Variants in MSI1 observed in about 807,000 individuals in gnomAD.
MSI1 encodes musashi RNA binding protein 1.
Under a neutral mutation model 54.4 loss-of-function variants are expected in MSI1, and 15 were observed. The ratio of observed to expected loss-of-function variants is 0.28; its 90% confidence interval spans 0.18 to 0.42. The LOEUF (loss-of-function observed/expected upper bound fraction) is 0.42. Among genes scored for constraint, MSI1 ranks in the 20% least tolerant of loss-of-function variants. The probability of loss-of-function intolerance (pLI) is 1.00; values close to 1 mark genes in which losing one functional copy is unlikely to be tolerated. For synonymous variants in MSI1, 200 were observed against 196.5 expected, an observed-to-expected ratio of 1.02 and a Z score of -0.15; for missense variants, 304 against 506.0, an observed-to-expected ratio of 0.60 and a Z score of 3.83.
rs1406105787 is a variant in MSI1, at chr12:120,368,345, G to A, written c.101-72C>T. The A allele has an allele frequency of 6.2e-6, 8 of 1,287,670 alleles. No homozygotes were observed. The African/African-American group carries it at 8.8e-5, about 14-fold the overall frequency. The allele number at this position is 1,287,670 out of a possible 1,614,324, so 79.8% of individuals were successfully genotyped here. A position where few individuals can be genotyped will look rare whatever the true frequency, so the allele number is the denominator to read the frequency against. ...TCCCCCCCCCCCGTCCTTTGCCCCC[G>A]GTGACCCCGGAGCGGCCCGGCCGCC... On this transcript the variant is annotated intron_variant, in intron 2 of 14. Coordinates refer to ENST00000257552, the MANE Select transcript of MSI1 (RefSeq NM_002442.4). This position sits in a 1 kb window ranked among gnomAD's most constrained non-coding sequence, Gnocchi z 6.6.
chr12:120,341,039 C>G (rs1035614181), downstream of MSI1, among the ~76,000 whole-genome samples: 2 of 152,024 alleles, frequency 1.3e-5, no homozygotes, highest in Non-Finnish European at 2.9e-5. Flanking sequence ...GCACCCACCA[C>G]CACACTCGGC....
At chr12:120,353,718 C>G (rs1874838174) in intron 9 of MSI1, among the ~76,000 whole-genome samples, 1 of 152,232 alleles carries the variant, frequency 6.6e-6, no homozygotes, top group South Asian at 2.1e-4. Flanking sequence ...CTGCTCCTCC[C>G]TCCCTCTGCT....
In MSI1 at chr12:120,351,991, A is replaced by G. The variant is rs576196370; in HGVS notation, c.734-591T>C. Among the ~76,000 whole-genome samples the G allele has an allele frequency of 2.4e-4, 36 of 147,868 alleles. 1 individual carries two copies. The highest frequency in any genetic ancestry group is 1.1e-3 in the South Asian group (5 of 4,598). On this transcript the variant is annotated intron_variant, in intron 10 of 14. Transcript: ENST00000257552. ...CCAAAGTGCTGGGATTACAGGCATG[A>G]ACCACCGCGCCTGGCCCTTTTTATT...
intron 10 of MSI1, 79 bp from the exon 11 acceptor site, chr12:120,351,479 A>AGTGTCCCTGTGGGTG: frequency 7.6e-7 from 1 of 1,308,016 alleles, no homozygotes; most frequent in Non-Finnish European, 1.1e-6. Flanking sequence ...AAATGCACCC[A>AGTGTCCCTGTGGGTG]CAGGGACACT....
At chr12:120,341,047 G>A (rs1437119660), downstream of MSI1, among the ~76,000 whole-genome samples, 4 of 151,798 alleles carry the variant, frequency 2.6e-5, no homozygotes, top group Admixed American at 6.6e-5. Context: ...CACCACACTC[G>A]GCTAATTTTT....
In MSI1 at chr12:120,363,108, C is replaced by A. The variant is rs768605844; in HGVS notation, c.337G>T (p.Val113Leu). The A allele has an allele frequency of 6.2e-7, 1 of 1,614,106 alleles. No individual in the cohort carries two copies. ...GTGGTGTTCACCGACAGCCCCCCCA[C>A]AAAGATCTTCTTCGTTCGAGTCACC... ...KMVTRTKKIF[V>L]GGLSVNTTVE... Residue 113 changes from valine (V) to leucine (L), a missense_variant, in exon 6 of 15, where the codon GTG becomes TTG. Coordinates refer to ENST00000257552, the MANE Select transcript of MSI1 (RefSeq NM_002442.4).
chr12:120,357,234 T>A (rs1019103698), intron 8 of MSI1, among the ~76,000 whole-genome samples: 1 of 152,156 alleles, frequency 6.6e-6, no homozygotes, highest in South Asian at 2.1e-4. Context: ...ATACTACCAA[T>A]ACTATGATGG....
At chr12:120,356,139 TC>T (rs1169656373) in intron 9 of MSI1, among the ~76,000 whole-genome samples, 1 of 152,116 alleles carries the variant, frequency 6.6e-6, no homozygotes, top group African/African-American at 2.4e-5. Flanking sequence ...TCCCACAGCC[TC>T]CAGTCACTCT....
downstream of MSI1, among the ~76,000 whole-genome samples, chr12:120,340,321 C>T (rs1873624961): frequency 6.6e-6 from 1 of 152,062 alleles, no homozygotes; most frequent in Admixed American, 6.6e-5. Flanking sequence ...TGAGCTCAGG[C>T]GATCCGCCCG....
In MSI1 at chr12:120,368,732, G is replaced by C. The variant is rs1876192727; in HGVS notation, c.100+101C>G. On this transcript the variant is annotated intron_variant, in intron 2 of 14. Transcript: ENST00000257552. The surrounding 1 kb of genome is among the most constrained non-coding windows in gnomAD (Gnocchi z 6.6). ...GCGAAAGAGGGCGCGAGGGCGCCCG[G>C]GGTCAGCAGGGCGCAGGGCCGGGCT... is the stretch of plus-strand genomic sequence containing the variant. 9.0e-7 allele frequency: 1 copy of C among 1,111,116 alleles called. No homozygotes were observed. Among genetic ancestry groups the C allele is most frequent in the South Asian group, 4.1e-5 (1 of 24,184 alleles). 68.8% of individuals were successfully genotyped at this position (1,111,116 alleles called of 1,614,324 possible).
chr12:120,344,516 C>T (rs551409490), intron 14 of MSI1, among the ~76,000 whole-genome samples: 2 of 150,130 alleles, frequency 1.3e-5, no homozygotes, highest in African/African-American at 4.9e-5. Flanking sequence ...CCAACCTGGG[C>T]CACATAATGA....
At chr12:120,355,177 G>A (rs546499599) in intron 9 of MSI1, among the ~76,000 whole-genome samples, 3 of 151,682 alleles carry the variant, frequency 2.0e-5, no homozygotes, top group Non-Finnish European at 2.9e-5. Flanking sequence ...AGGCTGAGGC[G>A]GGCAGATCAC....
At chr12:120,357,985 C>CCT in intron 7 of MSI1, 87 bp from the exon 8 acceptor site, 1 of 1,109,314 alleles carries the variant, frequency 9.0e-7, no homozygotes, top group Non-Finnish European at 1.4e-6. Flanking sequence ...TATCCCCGCT[C>CCT]CTCTCTCTCT....
chr12:120,341,458 TA>T lies in MSI1; in HGVS notation c.*1668del, dbSNP rs539881222. On this transcript the variant is annotated 3_prime_UTR_variant, in exon 15 of 15. Transcript: ENST00000257552. ...GGCTTCGAAACACCATGTAACATCTTAAAAAAAAAAAAAATCCCAAAGCAAA... is the reference window on the plus strand; with the variant it reads ...GGCTTCGAAACACCATGTAACATCTTAAAAAAAAAAAAATCCCAAAGCAAA... 417 of 140,098 alleles carry T rather than the reference TA, an allele frequency of 3.0e-3. No homozygotes were observed. Among genetic ancestry groups the T allele is most frequent in the Middle Eastern group, 7.4e-3 (2 of 272 alleles). 8.7% of individuals were successfully genotyped at this position (140,098 alleles called of 1,614,324 possible). A position where few individuals can be genotyped will look rare whatever the true frequency, so the allele number is the denominator to read the frequency against.
chr12:120,354,500 C>T (rs926885785), intron 9 of MSI1, among the ~76,000 whole-genome samples: 28 of 151,766 alleles, frequency 1.8e-4, no homozygotes, highest in African/African-American at 1.7e-4. Context: ...GGCATGATCT[C>T]GGCTCACCGC....
intron 5 of MSI1, 103 bp from the exon 6 acceptor site, chr12:120,363,238 C>T: frequency 1.1e-6 from 1 of 933,598 alleles, no homozygotes; most frequent in Non-Finnish European, 1.7e-6. Flanking sequence ...GACAAGCTCT[C>T]TGTGGCCCCA....
chr12:120,367,637 A>T lies in MSI1; in HGVS notation c.267+371T>A, dbSNP rs73416955. ...GAGCCAAATACTAGTTAGAGTTCAC[A>T]GAAGCCACCGGGTGGGTCAGTGCTA... is the stretch of plus-strand genomic sequence containing the variant. On this transcript the variant is annotated intron_variant, in intron 4 of 14. Coordinates refer to ENST00000257552, the MANE Select transcript of MSI1 (RefSeq NM_002442.4). Among the ~76,000 whole-genome samples the T allele has an allele frequency of 7.9e-3, 1,197 of 152,122 alleles. 14 individuals carry two copies. The highest frequency in any genetic ancestry group is 0.028 in the African/African-American group (1,144 of 41,490).
rs550283415 is a variant in MSI1, at chr12:120,341,652, TA to T, written c.*1474del. 3.7e-3 allele frequency: 494 copies of T among 135,202 alleles called. 5 individuals carry two copies. Among genetic ancestry groups the T allele is most frequent in the East Asian group, 0.025 (118 of 4,728 alleles). 8.4% of individuals were successfully genotyped at this position (135,202 alleles called of 1,614,324 possible). A position where few individuals can be genotyped will look rare whatever the true frequency, so the allele number is the denominator to read the frequency against. Reference sequence around the variant, plus strand: ...CAGCTTCTCTTTTATTAGGAAACATTAAAAAAAAAAAAAACCCAAAACACGA... The same window carrying T: ...CAGCTTCTCTTTTATTAGGAAACATTAAAAAAAAAAAAACCCAAAACACGA... On this transcript the variant is annotated 3_prime_UTR_variant, in exon 15 of 15. Coordinates refer to ENST00000257552, the MANE Select transcript of MSI1 (RefSeq NM_002442.4).
intron 11 of MSI1, among the ~76,000 whole-genome samples, chr12:120,349,597 G>C (rs1386305021): frequency 6.6e-6 from 1 of 152,210 alleles, no homozygotes; most frequent in Non-Finnish European, 1.5e-5. Flanking sequence ...CAGGAACCTT[G>C]TCTGTGTCAC....
Sources: allele counts gnomAD v4.1 joint callset (sites outside exome capture counted in the v4.1 genomes callset), GRCh38; gene constraint gnomAD v4.1.1; non-coding constraint Gnocchi (gnomAD v3.1); transcripts MANE v1.5; gene names NCBI Gene and HGNC (gene_info 2026-07-23, HGNC 2026-07-21).